CDC42BPG: variants seen among roughly 807,000 people sequenced by gnomAD.
The protein encoded by CDC42BPG is CDC42 binding protein kinase gamma.
CDC42BPG carries 157 observed loss-of-function variants against 192.2 expected under a neutral mutation model. The ratio of observed to expected loss-of-function variants is 0.82; its 90% CI spans 0.72 to 0.93. CDC42BPG has a LOEUF of 0.93. Among genes scored for constraint, CDC42BPG ranks in the 40% least tolerant of loss-of-function variants. The pLI is 0.00. For missense variants in CDC42BPG, 1,992 were observed against 2,122.1 expected, an observed-to-expected ratio of 0.94 and a Z score of 1.20; for synonymous variants, 981 against 918.5, an observed-to-expected ratio of 1.07 and a Z score of -1.23.
chr11:64,844,628 C>A lies in CDC42BPG; in HGVS notation c.-59G>T. 8.3e-7 allele frequency: 1 copy of A among 1,208,804 alleles called. No individual in the cohort carries two copies. The highest frequency in any genetic ancestry group is 3.7e-5 in the South Asian group (1 of 27,038). The allele number at this position is 1,208,804 out of a possible 1,614,324, so 74.9% of individuals were successfully genotyped here. On this transcript the variant is annotated 5_prime_UTR_variant, in exon 1 of 37. Transcript: ENST00000342711. ...TCTGGCCGCCCGCATGCCCGCCTGT[C>A]GGGCCGTCCGTCCGCCCAACCGTCT...
Position 64,827,342 on chromosome 11 carries a change from G to A in CDC42BPG, c.4207C>T (p.Arg1403Cys), listed in dbSNP as rs770058353. The stretch of plus-strand genomic sequence containing the variant: ...AAGAAGCGGCGCTTGCTCTTGGTGC[G>A]GAACAGCTGGCGCCGGCTGTTGTCG... ...LTDNSRRQLFRTKSKRRFFFR... is the reference protein window; with the variant it reads ...LTDNSRRQLFCTKSKRRFFFR... The change falls in exon 33 of 37, where the codon CGC becomes TGC. Residue 1403 changes from arginine to cysteine, a missense_variant. Physicochemically the swap from Arg to Cys is radical, Grantham distance 180. Transcript: ENST00000342711. 2.5e-6 allele frequency: 4 copies of A among 1,613,934 alleles called. No individual in the cohort carries two copies. Among genetic ancestry groups the A allele is most frequent in the Non-Finnish European group, 3.4e-6 (4 of 1,179,954 alleles).
chr11:64,834,365 T>A lies in CDC42BPG; in HGVS notation c.2325-11A>T, dbSNP rs1942866278. The A allele has an allele frequency of 4.5e-6, 7 of 1,564,802 alleles. No individual in the cohort carries two copies. Among genetic ancestry groups the A allele is most frequent in the Middle Eastern group, 3.8e-4 (2 of 5,270 alleles). On this transcript the variant is annotated splice_polypyrimidine_tract_variant and intron_variant, in intron 19 of 36. Transcript: ENST00000342711. The stretch of plus-strand genomic sequence containing the variant: ...GCCTCCTGCAGACGGCTGGGGAGAA[T>A]GGCAAGGGCTCGCCACTGGCCTCTG...
chr11:64,842,200 G>T, intron 1 of CDC42BPG, among the ~76,000 whole-genome samples: 1 of 152,160 alleles, frequency 6.6e-6, no homozygotes, highest in East Asian at 1.9e-4. Flanking sequence ...TTGTAGTCCT[G>T]CCCAGTCTGC....
chr11:64,826,718 C>T lies in CDC42BPG; in HGVS notation c.4466G>A (p.Arg1489His). 1.3e-6 allele frequency: 2 copies of T among 1,550,942 alleles called. No individual in the cohort carries two copies. Among genetic ancestry groups the T allele is most frequent in the South Asian group, 1.2e-5 (1 of 83,862 alleles). Residue 1489 changes from arginine (R) to histidine (H), a missense_variant, in exon 35 of 37, where the codon CGC becomes CAC. Coordinates refer to ENST00000342711, the MANE Select transcript of CDC42BPG (RefSeq NM_017525.3). ...RPHSFSEALRRPASMGSEGLG... is the reference protein window; with the variant it reads ...RPHSFSEALRHPASMGSEGLG... ...GCCTTCGCTGCCCATGGAGGCTGGGCGCCGCAACGCCTCGGAGAAGCTGTG... is the reference window on the plus strand; with the variant it reads ...GCCTTCGCTGCCCATGGAGGCTGGGTGCCGCAACGCCTCGGAGAAGCTGTG...
At chr11:64,838,237 G>A in intron 8 of CDC42BPG, 75 bp from the exon 9 acceptor site, 3 of 1,116,958 alleles carry the variant, frequency 2.7e-6, no homozygotes, top group Middle Eastern at 3.0e-4. Flanking sequence ...AGCCCCCTGG[G>A]ACCAGGTGCG....
intron 36 of CDC42BPG, among the ~76,000 whole-genome samples, 195 bp from the exon 37 acceptor site, chr11:64,824,724 T>C (rs1942353718): frequency 6.6e-6 from 1 of 152,056 alleles, no homozygotes; most frequent in Admixed American, 6.6e-5. Context: ...CTACTTAACT[T>C]TGAATGGACT....
chr11:64,833,164 C>T (rs1169249055), intron 24 of CDC42BPG, 67 bp downstream of exon 24: 3 of 1,347,140 alleles, frequency 2.2e-6, no homozygotes, highest in African/African-American at 1.4e-5. Context: ...ATGGGAGAAA[C>T]AGCCTGGGTA....
intron 9 of CDC42BPG, among the ~76,000 whole-genome samples, chr11:64,837,699 C>T (rs1487080909): frequency 1.3e-5 from 2 of 152,228 alleles, no homozygotes; most frequent in Non-Finnish European, 2.9e-5. Context: ...TGACCTCAGG[C>T]GATCCACCCG....
At chr11:64,835,702 C>G in intron 14 of CDC42BPG, 60 bp downstream of exon 14, 1 of 1,606,326 alleles carries the variant, frequency 6.2e-7, no homozygotes, top group Non-Finnish European at 8.5e-7. Flanking sequence ...GGCCCTGAGG[C>G]TCTGAGTGGG....
At chr11:64,828,805 A>G (rs1232562026) in intron 30 of CDC42BPG, among the ~76,000 whole-genome samples, 1 of 152,218 alleles carries the variant, frequency 6.6e-6, no homozygotes, top group African/African-American at 2.4e-5. Context: ...TAATCCCAGC[A>G]CTTTGGGAGG....
chr11:64,826,076 A>AAT (rs1942403171), intron 36 of CDC42BPG, among the ~76,000 whole-genome samples: 1 of 150,814 alleles, frequency 6.6e-6, no homozygotes, highest in South Asian at 2.1e-4. Flanking sequence ...GGAAAAAAAA[A>AAT]AAAAAAAAAG....
rs1592681855 is a variant in CDC42BPG, at chr11:64,827,100, C to G, written c.4339G>C (p.Val1447Leu). Reference sequence around the variant, plus strand: ...CGCCCGTTGGCAGGGCCCACGTGTACTAGGTGGTTGAAGTTGGTAGGCGGC... The same window carrying G: ...CGCCCGTTGGCAGGGCCCACGTGTAGTAGGTGGTTGAAGTTGGTAGGCGGC... The part of the protein sequence containing the change: ...ISPPTNFNHL[V>L]HVGPANGRPG... Residue 1447 changes from valine to leucine, a missense_variant, in exon 34 of 37, where the codon GTA becomes CTA. By Grantham distance (32) the Val-to-Leu change is conservative. Transcript: ENST00000342711. 1.9e-6 allele frequency: 3 copies of G among 1,614,066 alleles called. No individual in the cohort carries two copies. Among genetic ancestry groups the G allele is most frequent in the Non-Finnish European group, 2.5e-6 (3 of 1,179,936 alleles).
chr11:64,838,625 C>T (rs758024952), intron 8 of CDC42BPG, 29 bp downstream of exon 8: 4 of 1,607,300 alleles, frequency 2.5e-6, no homozygotes, highest in Non-Finnish European at 2.6e-6. Flanking sequence ...TAGGGCAGCT[C>T]CCCTCCTGCA....
chr11:64,837,979 G>T, intron 9 of CDC42BPG, 104 bp downstream of exon 9: 1 of 948,234 alleles, frequency 1.1e-6, no homozygotes, highest in Non-Finnish European at 1.7e-6. Flanking sequence ...ATACTGGGGA[G>T]CCCTTCTGCC....
rs1942687939 is a variant in CDC42BPG, at chr11:64,831,524, CGT to C, written c.3283_3284del (p.Thr1095AlafsTer126). 3.1e-6 allele frequency: 5 copies of C among 1,610,468 alleles called. No homozygotes were observed. Among genetic ancestry groups the C allele is most frequent in the African/African-American group, 2.7e-5 (2 of 74,912 alleles). On this transcript the variant is annotated frameshift_variant, in exon 28 of 37. Transcript: ENST00000342711. LOFTEE classifies it high-confidence loss of function. ...GCTCACCGAGGATGGCAGCGCAGAGCGTGTGAGGCAGCAGCGGCAGCCCGTTG... is the reference window on the plus strand; with the variant it reads ...GCTCACCGAGGATGGCAGCGCAGAGCGTGAGGCAGCAGCGGCAGCCCGTTG... ...YDNGLPLLPH[T>X]LCAAILDQDR...
chr11:64,841,789 A>G, intron 2 of CDC42BPG, 24 bp downstream of exon 2: 1 of 1,612,836 alleles, frequency 6.2e-7, no homozygotes, highest in Non-Finnish European at 8.5e-7. Context: ...ACCTCCCCCC[A>G]CCTACCCCAG....
chr11:64,830,497 CT>C, intron 28 of CDC42BPG: 1 of 589,092 alleles, frequency 1.7e-6, no homozygotes, highest in Non-Finnish European at 3.0e-6. Flanking sequence ...CTCTCAGAGC[CT>C]TGGTTTCCTT....
At position 64,831,411 on chromosome 11, in the gene CDC42BPG, G is replaced by A. The variant is rs1942680473; in HGVS notation, c.3304+94C>T. The A allele has an allele frequency of 2.8e-5, 33 of 1,171,542 alleles. No homozygotes were observed. In the South Asian group the frequency reaches 4.2e-4, roughly 15 times the overall value. The allele number at this position is 1,171,542 out of a possible 1,614,324, so 72.6% of individuals were successfully genotyped here. ...GCAGTCTGTGTCTCGTGGCTGCAGG[G>A]AATGGGCAGTAGCAGTGGCCCTTGG... On this transcript the variant is annotated intron_variant, in intron 28 of 36. Transcript: ENST00000342711.
At chr11:64,836,690 A>G (rs1204569413) in intron 11 of CDC42BPG, 49 bp downstream of exon 11, 1 of 763,644 alleles carries the variant, frequency 1.3e-6, no homozygotes, top group East Asian at 6.4e-5. Flanking sequence ...ACCCGAGCCC[A>G]GGTGGGACTC....
Sources: allele counts gnomAD v4.1 joint callset (sites outside exome capture counted in the v4.1 genomes callset), GRCh38; gene constraint gnomAD v4.1.1; transcripts MANE v1.5; gene names NCBI Gene and HGNC (gene_info 2026-07-23, HGNC 2026-07-21).